HS6ST3: variants seen among roughly 807,000 people sequenced by gnomAD.
HS6ST3 encodes the protein heparan-sulfate 6-O-sulfotransferase 3.
A neutral mutation model predicts 36.7 loss-of-function variants in HS6ST3; 12 were observed. The ratio of observed to expected loss-of-function variants is 0.33; its 90% CI spans 0.21 to 0.53. HS6ST3 has a LOEUF of 0.53. Among genes scored for constraint, HS6ST3 ranks in the 20% least tolerant of loss-of-function variants. HS6ST3 has a pLI of 0.95. For synonymous variants in HS6ST3, 240 were observed against 257.5 expected (o/e 0.93, Z 0.65); for missense variants, 584 against 640.9 (o/e 0.91, Z 0.96).
At position 96,090,640 on chromosome 13, in the gene HS6ST3, G is replaced by A. The variant is rs1170799736; in HGVS notation, c.-223G>A. 6.8e-6 allele frequency among the ~76,000 whole-genome samples: 1 copy of A among 146,224 alleles called. No individual in the cohort carries two copies. On this transcript the variant is annotated 5_prime_UTR_variant, in exon 1 of 2. Coordinates refer to ENST00000376705, the MANE Select transcript of HS6ST3 (RefSeq NM_153456.4). The stretch of plus-strand genomic sequence containing the variant: ...GGCGCCCCACGCCGCAGCCGCAGCC[G>A]AGCGCGCCGGCGCCCGCCTCCCCCG...
chr13:96,352,953 G>A (rs536420098), intron 1 of HS6ST3, among the ~76,000 whole-genome samples: 1 of 151,782 alleles, frequency 6.6e-6, no homozygotes, highest in Non-Finnish European at 1.5e-5. Flanking sequence ...AAGTGGCAGA[G>A]CCAGGACTTG....
intron 1 of HS6ST3, among the ~76,000 whole-genome samples, chr13:96,825,241 G>C (rs1391546736): frequency 6.6e-6 from 1 of 152,130 alleles, no homozygotes; most frequent in Non-Finnish European, 1.5e-5. Context: ...ATTCTCTTTG[G>C]ATAGGCAAGT....
chr13:96,512,818 T>C (rs764418243), intron 1 of HS6ST3, among the ~76,000 whole-genome samples: 14 of 152,132 alleles, frequency 9.2e-5, no homozygotes, highest in Non-Finnish European at 1.3e-4. Context: ...AATTATATCA[T>C]CCATAAATAA....
At chr13:96,213,754 A>C (rs2054410554) in intron 1 of HS6ST3, among the ~76,000 whole-genome samples, 1 of 152,196 alleles carries the variant, frequency 6.6e-6, no homozygotes, top group African/African-American at 2.4e-5. Flanking sequence ...AGTCATTTTC[A>C]GAGATAGGAA....
chr13:96,528,663 C>T (rs1265100086), intron 1 of HS6ST3, among the ~76,000 whole-genome samples: 1 of 152,090 alleles, frequency 6.6e-6, no homozygotes, highest in East Asian at 1.9e-4. Context: ...AAGGTTCATT[C>T]GTAAAGCTTC....
At chr13:96,204,067 C>T (rs888275734) in intron 1 of HS6ST3, among the ~76,000 whole-genome samples, 5 of 152,006 alleles carry the variant, frequency 3.3e-5, no homozygotes, top group African/African-American at 1.2e-4. Context: ...TAAAAGATTA[C>T]TATTAAAATA....
intron 1 of HS6ST3, among the ~76,000 whole-genome samples, chr13:96,170,605 A>C (rs951112106): frequency 6.6e-6 from 1 of 152,198 alleles, no homozygotes; most frequent in African/African-American, 2.4e-5. Context: ...TAACACCTGG[A>C]GAAAAGCTGA....
intron 1 of HS6ST3, among the ~76,000 whole-genome samples, chr13:96,596,592 T>G (rs1318504823): frequency 6.6e-6 from 1 of 152,180 alleles, no homozygotes; most frequent in African/African-American, 2.4e-5. Context: ...GTGTATAAGC[T>G]TTCCCTTTTC....
chr13:96,751,798 GTGTATGTGTATATATA>G (rs1047245305), intron 1 of HS6ST3, among the ~76,000 whole-genome samples: 18 of 151,288 alleles, frequency 1.2e-4, no homozygotes, highest in African/African-American at 4.1e-4. Flanking sequence ...ATACATATGT[GTGTATGTGTATATATA>G]TATACACATA....
chr13:96,580,207 T>C (rs1411714966), intron 1 of HS6ST3, among the ~76,000 whole-genome samples: 2 of 143,386 alleles, frequency 1.4e-5, no homozygotes, highest in Admixed American at 7.1e-5. Flanking sequence ...TATATATATA[T>C]ATATATATAT....
At chr13:96,121,454 C>T (rs986084904) in intron 1 of HS6ST3, among the ~76,000 whole-genome samples, 3 of 152,302 alleles carry the variant, frequency 2.0e-5, no homozygotes, top group Admixed American at 6.5e-5. Context: ...TTACAACATA[C>T]GTTGACATCT....
chr13:96,195,041 T>A (rs2054305567), intron 1 of HS6ST3, among the ~76,000 whole-genome samples: 1 of 152,222 alleles, frequency 6.6e-6, no homozygotes, highest in South Asian at 2.1e-4. Context: ...GCAACTTCAT[T>A]GATTTCAGAT....
chr13:96,307,454 T>C (rs954239472), intron 1 of HS6ST3, among the ~76,000 whole-genome samples: 1 of 152,166 alleles, frequency 6.6e-6, no homozygotes, highest in Non-Finnish European at 1.5e-5. Flanking sequence ...GTTTTGATTT[T>C]TTAAATGCTA....
At position 96,832,898 on chromosome 13, in the gene HS6ST3, C is replaced by A; in HGVS notation, c.1116C>A (p.Phe372Leu). The A allele has an allele frequency of 6.2e-7, 1 of 1,614,196 alleles. No homozygotes were observed. The highest frequency in any genetic ancestry group is 8.5e-7 in the Non-Finnish European group (1 of 1,180,038). ...TTGAGAGAACATTCAACCTCAAGTT[C>A]ATCTCCCCCTTCACACAGTTCAACA... The part of the protein sequence containing the change: ...FLFERTFNLK[F>L]ISPFTQFNIT... The change falls in exon 2 of 2, where the codon TTC (phenylalanine) becomes TTA (leucine). Residue 372 changes from phenylalanine to leucine, a missense_variant. Around this residue, in one of 3 missense-constraint regions of HS6ST3, gnomAD observed 360 missense variants for 411.3 expected, o/e 0.88. Coordinates refer to ENST00000376705, the MANE Select transcript of HS6ST3 (RefSeq NM_153456.4).
intron 1 of HS6ST3, among the ~76,000 whole-genome samples, chr13:96,602,062 A>G (rs760948749): frequency 3.3e-5 from 5 of 152,156 alleles, no homozygotes; most frequent in Admixed American, 2.0e-4. Context: ...AAACTGCGTT[A>G]AACAGGTCAG....
chr13:96,634,191 G>A (rs1044573124), intron 1 of HS6ST3, among the ~76,000 whole-genome samples: 18 of 152,180 alleles, frequency 1.2e-4, no homozygotes, highest in African/African-American at 4.1e-4. Context: ...CCCCATCTAT[G>A]ATCTTTTGTC....
chr13:96,801,089 C>T (rs138449528), intron 1 of HS6ST3, among the ~76,000 whole-genome samples: 87 of 152,232 alleles, frequency 5.7e-4, no homozygotes, highest in Non-Finnish European at 2.2e-4. Context: ...CAGCATTTGA[C>T]GCAGTTGTCC....
At chr13:96,446,264 A>G (rs190468992) in intron 1 of HS6ST3, among the ~76,000 whole-genome samples, 83 of 152,286 alleles carry the variant, frequency 5.5e-4, no homozygotes, top group African/African-American at 2.0e-3. Context: ...ATAATTTTAT[A>G]AAAAGTTGAG....
chr13:96,239,204 TG>T (rs2139371667), intron 1 of HS6ST3, among the ~76,000 whole-genome samples: 1 of 152,328 alleles, frequency 6.6e-6, no homozygotes, highest in Non-Finnish European at 1.5e-5. Context: ...TGAGAAAGTT[TG>T]GGCACCTTTC....
Sources: gnomAD v4.1 joint callset for allele counts (sites outside exome capture counted in the v4.1 genomes callset) on GRCh38, gnomAD v4.1.1 for gene constraint, gnomAD v4.1.1 regional missense constraint, MANE v1.5 for transcripts, NCBI Gene and HGNC (gene_info 2026-07-23, HGNC 2026-07-21) for gene names.